ST6GALNAC2: variants seen among roughly 807,000 people sequenced by gnomAD.
The protein encoded by ST6GALNAC2 is ST6 N-acetylgalactosaminide alpha-2,6-sialyltransferase 2.
ST6GALNAC2 carries 42 observed loss-of-function variants against 38.7 expected under a neutral mutation model. The observed-to-expected ratio is 1.09, with a 90% CI of 0.85 to 1.40. The LOEUF (loss-of-function observed/expected upper bound fraction) is 1.40. Ranked by LOEUF, ST6GALNAC2 falls within the 40% of genes most tolerant of loss-of-function variation. The pLI is 0.00. For missense variants in ST6GALNAC2, 506 were observed against 481.7 expected, an observed-to-expected ratio of 1.05 and a Z score of -0.47; for synonymous variants, 233 against 209.0, an observed-to-expected ratio of 1.11 and a Z score of -0.99.
chr17:76,578,924 G>T, intron 1 of ST6GALNAC2, 108 bp from the exon 2 acceptor site: 1 of 900,426 alleles, frequency 1.1e-6, no homozygotes, highest in Non-Finnish European at 1.7e-6. Context: ...AAGTCTGTCT[G>T]TGCCCATCGT....
intron 2 of ST6GALNAC2, 50 bp from the exon 3 acceptor site, chr17:76,574,589 G>T (rs368870113): frequency 3.5e-6 from 5 of 1,428,896 alleles, no homozygotes; most frequent in Non-Finnish European, 4.8e-6. Context: ...GGGCTGGGGT[G>T]GGTGGGGCCC....
At chr17:76,576,457 A>G (rs1278483738) in intron 2 of ST6GALNAC2, among the ~76,000 whole-genome samples, 2 of 152,168 alleles carry the variant, frequency 1.3e-5, no homozygotes, top group Non-Finnish European at 2.9e-5. Context: ...GGAAGGGGGC[A>G]GTTTGTGTGA....
chr17:76,569,351 G>A (rs941617076), intron 6 of ST6GALNAC2: 11 of 392,414 alleles, frequency 2.8e-5, no homozygotes, highest in Admixed American at 4.5e-5. Context: ...GAAGGGTTTC[G>A]AGAGAGGGAT....
At chr17:76,567,728 T>G in intron 7 of ST6GALNAC2, 176 bp from the exon 8 acceptor site, 21 of 504,472 alleles carry the variant, frequency 4.2e-5, no homozygotes, top group Non-Finnish European at 4.7e-5. Context: ...TAGGTAAGGT[T>G]GGGGGAGGGG....
chr17:76,566,333 G>A, intron 8 of ST6GALNAC2, 62 bp from the exon 9 acceptor site: 1 of 1,550,394 alleles, frequency 6.4e-7, no homozygotes, highest in Non-Finnish European at 8.9e-7. Flanking sequence ...AGACACTTGG[G>A]TGAAGTGACA....
At chr17:76,578,449 T>C (rs769779058) in intron 2 of ST6GALNAC2, among the ~76,000 whole-genome samples, 8 of 152,144 alleles carry the variant, frequency 5.3e-5, no homozygotes, top group Non-Finnish European at 1.2e-4. Flanking sequence ...GAAGTAGATA[T>C]TTTGAGGAGT....
Position 76,572,699 on chromosome 17 carries a change from T to C in ST6GALNAC2, c.607A>G (p.Thr203Ala). 6.2e-7 allele frequency: 1 copy of C among 1,614,184 alleles called. No homozygotes were observed. Among genetic ancestry groups the C allele is most frequent in the Non-Finnish European group, 8.5e-7 (1 of 1,180,018 alleles). Residue 203 changes from threonine to alanine, a missense_variant, in exon 5 of 9, where the codon ACG becomes GCG. Coordinates refer to ENST00000225276, the MANE Select transcript of ST6GALNAC2 (RefSeq NM_006456.3). ...TAGGAGACGAGGGAGTTCTTCATCG[T>C]GTTCACAGTGAAACCATAGAAGGAA... ...KTSFYGFTVN[T>A]MKNSLVSYWN...
At position 76,578,765 on chromosome 17, in the gene ST6GALNAC2, C is replaced by G. The variant is rs1487488759; in HGVS notation, c.177G>C (p.Trp59Cys). 4 of 1,613,422 alleles carry G rather than the reference C, an allele frequency of 2.5e-6. No individual in the cohort carries two copies. The highest frequency in any genetic ancestry group is 3.3e-5 in the Admixed American group (2 of 59,888). Residue 59 changes from tryptophan to cysteine, a missense_variant, in exon 2 of 9, where the codon TGG (tryptophan) becomes TGC (cysteine). Coordinates refer to ENST00000225276, the MANE Select transcript of ST6GALNAC2 (RefSeq NM_006456.3). Reference sequence around the variant, plus strand: ...TAGTCGACCACTCTACCTTTCCTGTCCAAGAATTCGATGCCTTGGATTGAA... The same window carrying G: ...TAGTCGACCACTCTACCTTTCCTGTGCAAGAATTCGATGCCTTGGATTGAA... The part of the protein sequence containing the change: ...AFFQSKASNS[W>C]TGKGQACRHL...
At chr17:76,568,683 A>G in intron 7 of ST6GALNAC2, 30 bp downstream of exon 7, 4 of 1,609,724 alleles carry the variant, frequency 2.5e-6, no homozygotes, top group Non-Finnish European at 3.4e-6. Context: ...AAGGAAGGGG[A>G]CGCTGTTCTT....
chr17:76,576,699 G>A (rs1019567526), intron 2 of ST6GALNAC2, among the ~76,000 whole-genome samples: 9 of 152,212 alleles, frequency 5.9e-5, no homozygotes, highest in South Asian at 4.1e-4. Context: ...GGCCGGGCAC[G>A]GTGGCTCATG....
chr17:76,572,777 TG>T lies in ST6GALNAC2; in HGVS notation c.531-3del. The T allele has an allele frequency of 6.2e-7, 1 of 1,614,084 alleles. No homozygotes were observed. The highest frequency in any genetic ancestry group is 1.1e-5 in the South Asian group (1 of 91,088). On this transcript the variant is annotated splice_region_variant and splice_polypyrimidine_tract_variant and intron_variant, in intron 4 of 8. Transcript: ENST00000225276. ...CCTTTGATCACAGCTCCATTGAGTC[TG>T]GTTGGCACAGAGGCCCATCAGTGTC... is the stretch of plus-strand genomic sequence containing the variant.
intron 3 of ST6GALNAC2, 53 bp downstream of exon 3, chr17:76,574,287 GAGAGGCCTGGCCTACTTCAGGGCAA>G: frequency 2.0e-6 from 3 of 1,524,168 alleles, no homozygotes. Context: ...TATGAGGGCA[GAGAGGCCTGGCCTACTTCAGGGCAA>G]AGAGCAGGAA....
rs761650586 is a variant in ST6GALNAC2, at chr17:76,566,222, T to C, written c.1007A>G (p.His336Arg). ...TGGCTTCATTTTTCGTTCGAAATAG[T>C]GGTCGGAAAATTTCCAGTAGTTGCT... is the stretch of plus-strand genomic sequence containing the variant. The part of the protein sequence containing the change: ...ITSNYWKFSD[H>R]YFERKMKPLI... The change falls in exon 9 of 9, where the codon CAC becomes CGC. Residue 336 changes from histidine to arginine, a missense_variant. Coordinates refer to ENST00000225276, the MANE Select transcript of ST6GALNAC2 (RefSeq NM_006456.3). 1 of 1,614,106 alleles carries C rather than the reference T, an allele frequency of 6.2e-7. No individual in the cohort carries two copies. Among genetic ancestry groups the C allele is most frequent in the Admixed American group, 1.7e-5 (1 of 60,020 alleles).
In ST6GALNAC2 at chr17:76,570,198, C is replaced by A. The variant is rs2075337366; in HGVS notation, c.773+367G>T. On this transcript the variant is annotated intron_variant, in intron 6 of 8. Coordinates refer to ENST00000225276, the MANE Select transcript of ST6GALNAC2 (RefSeq NM_006456.3). ...ACAGTGTGCTCAGTGGGACAGCGGA[C>A]CCAGCCCAGTCTGTGACCCGGAGCC... 6 of 256,342 alleles carry A rather than the reference C, an allele frequency of 2.3e-5. No homozygotes were observed. The South Asian group carries it at 3.1e-4, about 13-fold the overall frequency. The allele number at this position is 256,342 out of a possible 1,614,324, so 15.9% of individuals were successfully genotyped here.
chr17:76,578,257 T>C (rs1598258795), intron 2 of ST6GALNAC2, among the ~76,000 whole-genome samples: 1 of 152,230 alleles, frequency 6.6e-6, no homozygotes, highest in African/African-American at 2.4e-5. Flanking sequence ...AGGGCCACAT[T>C]CTAGGGTTGC....
chr17:76,585,441 C>T (rs2075534015), intron 1 of ST6GALNAC2, among the ~76,000 whole-genome samples: 1 of 152,234 alleles, frequency 6.6e-6, no homozygotes, highest in Non-Finnish European at 1.5e-5. Context: ...CGCCAGTGCA[C>T]AGGGGCGAGG....
intron 2 of ST6GALNAC2, among the ~76,000 whole-genome samples, chr17:76,575,937 A>C (rs2075410842): frequency 2.0e-5 from 3 of 152,256 alleles, no homozygotes; most frequent in Admixed American, 1.3e-4. Flanking sequence ...TGCTATGCAA[A>C]GCTATGCAAT....
At chr17:76,580,397 G>A (rs1487623224) in intron 1 of ST6GALNAC2, among the ~76,000 whole-genome samples, 2 of 151,792 alleles carry the variant, frequency 1.3e-5, no homozygotes, top group African/African-American at 4.8e-5. Context: ...CAGCCTGGGT[G>A]AAAGAGTGAA....
At chr17:76,576,358 C>T (rs765037807) in intron 2 of ST6GALNAC2, among the ~76,000 whole-genome samples, 4 of 152,126 alleles carry the variant, frequency 2.6e-5, no homozygotes, top group South Asian at 4.1e-4. Context: ...AGATACAAAT[C>T]GAAGAAAGAC....
Sources: gnomAD v4.1 joint callset for allele counts (sites outside exome capture counted in the v4.1 genomes callset) on GRCh38, gnomAD v4.1.1 for gene constraint, MANE v1.5 for transcripts, NCBI Gene and HGNC (gene_info 2026-07-23, HGNC 2026-07-21) for gene names.